SOX5: variants seen among roughly 807,000 people sequenced by gnomAD.
SOX5 encodes the protein SRY-box transcription factor 5.
A neutral mutation model predicts 92.0 loss-of-function variants in SOX5; 9 were observed. That is an observed-to-expected ratio of 0.10 (90% confidence interval 0.06 to 0.17). The LOEUF is 0.17. SOX5 is among the 10% of genes least tolerant of loss of function. SOX5 has a pLI of 1.00. For synonymous variants in SOX5, 344 were observed against 336.3 expected, an observed-to-expected ratio of 1.02 and a Z score of -0.25; for missense variants, 642 against 944.5, an observed-to-expected ratio of 0.68 and a Z score of 4.20.
chr12:24,240,860 C>G (rs1267196731), intron 3 of SOX5, among the ~76,000 whole-genome samples: 1 of 152,154 alleles, frequency 6.6e-6, no homozygotes, highest in African/African-American at 2.4e-5. Context: ...TGCAGTGTAA[C>G]ATTTCAACTT....
chr12:24,388,743 C>A, intron 1 of SOX5, among the ~76,000 whole-genome samples: 1 of 152,164 alleles, frequency 6.6e-6, no homozygotes, highest in East Asian at 1.9e-4. Flanking sequence ...AAACTCCATG[C>A]CCCATCAGCA....
chr12:23,576,274 A>G (rs1949095191), intron 9 of SOX5, among the ~76,000 whole-genome samples: 2 of 152,158 alleles, frequency 1.3e-5, no homozygotes, highest in East Asian at 1.9e-4. Flanking sequence ...TGGAACACCC[A>G]TGATGGAGGA....
chr12:24,079,226 A>G (rs974196654), intron 4 of SOX5, among the ~76,000 whole-genome samples: 6 of 151,802 alleles, frequency 4.0e-5, no homozygotes, highest in African/African-American at 1.4e-4. Flanking sequence ...AATTTACGCA[A>G]TATTTTCATT....
At chr12:24,170,170 A>G (rs1476384611) in intron 4 of SOX5, among the ~76,000 whole-genome samples, 1 of 142,056 alleles carries the variant, frequency 7.0e-6, no homozygotes, top group Non-Finnish European at 1.6e-5. Context: ...GAGTGGTTTC[A>G]CAGCGTTCAG....
intron 2 of SOX5, among the ~76,000 whole-genome samples, chr12:23,851,982 TA>T (rs2096638606): frequency 6.6e-6 from 1 of 152,196 alleles, no homozygotes; most frequent in Non-Finnish European, 1.5e-5. Flanking sequence ...GGTTGGTATG[TA>T]GTGGCCTAAT....
intron 4 of SOX5, among the ~76,000 whole-genome samples, chr12:24,167,497 A>G (rs1016664449): frequency 4.6e-5 from 7 of 152,358 alleles, no homozygotes; most frequent in African/African-American, 1.4e-4. Flanking sequence ...TGTGATTTCT[A>G]CTGGCCCTTC....
In SOX5 at chr12:24,393,590, A is replaced by G. The variant is rs570436719; in HGVS notation, c.-250-24951T>C. ...AAACTTACAATAAAAACATTAAGTA[A>G]CTAAGCAAAAAATTATGAAATAGAT... On this transcript the variant is annotated intron_variant, in intron 1 of 4. Transcript: ENST00000446891. This position sits in a 1 kb window ranked among gnomAD's most constrained non-coding sequence, Gnocchi z 5.0. Among the ~76,000 whole-genome samples the G allele has an allele frequency of 1.3e-5, 2 of 152,024 alleles. No homozygotes were observed. Among genetic ancestry groups the G allele is most frequent in the Admixed American group, 1.3e-4 (2 of 15,292 alleles).
chr12:23,863,165 A>G (rs1248979829), intron 2 of SOX5, among the ~76,000 whole-genome samples: 3 of 152,130 alleles, frequency 2.0e-5, no homozygotes, highest in African/African-American at 4.8e-5. Context: ...CTTTCTTTTT[A>G]CTTTTTCCAT....
intron 1 of SOX5, among the ~76,000 whole-genome samples, chr12:24,426,844 CTT>C (rs1034787350): frequency 3.3e-5 from 5 of 152,032 alleles, no homozygotes; most frequent in African/African-American, 1.2e-4. Context: ...AAGCCCTTGT[CTT>C]TTTCCCTCGT....
intron 2 of SOX5, among the ~76,000 whole-genome samples, chr12:23,851,096 C>T (rs998165819): frequency 6.6e-6 from 1 of 151,516 alleles, no homozygotes; most frequent in Non-Finnish European, 1.5e-5. Context: ...AAAAAAAAAC[C>T]TTATCAAGAT....
At chr12:24,208,755 G>A (rs1385496251) in intron 4 of SOX5, among the ~76,000 whole-genome samples, 1 of 152,208 alleles carries the variant, frequency 6.6e-6, no homozygotes, top group Non-Finnish European at 1.5e-5. Context: ...GGATGAAGTG[G>A]AGAACAAGAC....
intron 2 of SOX5, among the ~76,000 whole-genome samples, chr12:24,299,787 A>T (rs1947742118): frequency 6.6e-6 from 1 of 152,138 alleles, no homozygotes; most frequent in Non-Finnish European, 1.5e-5. Context: ...GAAGCTCTGC[A>T]TCAAACAAAG....
intron 9 of SOX5, among the ~76,000 whole-genome samples, chr12:23,590,052 T>C (rs10842187): frequency 0.21 from 31,983 of 151,828 alleles, 3,803 homozygotes; most frequent in African/African-American, 0.3. Context: ...GAATTCTATA[T>C]AGAAATGACG....
chr12:23,832,253 AGTT>A (rs996566974), intron 3 of SOX5, among the ~76,000 whole-genome samples: 14 of 152,000 alleles, frequency 9.2e-5, no homozygotes, highest in East Asian at 3.9e-4. Context: ...AATTTTGGAA[AGTT>A]GTTGTTCATT....
chr12:24,290,692 G>A (rs531995069), intron 2 of SOX5, among the ~76,000 whole-genome samples: 1 of 152,162 alleles, frequency 6.6e-6, no homozygotes, highest in Admixed American at 6.5e-5. Flanking sequence ...TGCTCCTGAC[G>A]GACTCACGCT....
chr12:24,127,909 G>A (rs1173677880), intron 4 of SOX5, among the ~76,000 whole-genome samples: 1 of 152,188 alleles, frequency 6.6e-6, no homozygotes, highest in Non-Finnish European at 1.5e-5. Context: ...TCCCAAGAGA[G>A]TCTACCATTT....
chr12:23,951,946 A>AT (rs1375795979), upstream of SOX5, among the ~76,000 whole-genome samples: 2 of 152,136 alleles, frequency 1.3e-5, no homozygotes, highest in African/African-American at 4.8e-5. Context: ...TTAAATCTCT[A>AT]TTTTTTCAGC....
intron 6 of SOX5, among the ~76,000 whole-genome samples, chr12:23,704,687 C>CATATATATATAT (rs376550773): frequency 0.12 from 10,389 of 88,992 alleles, 894 homozygotes; most frequent in Non-Finnish European, 0.14. Flanking sequence ...TATATGCATG[C>CATATATATATAT]ATATATATAT....
chr12:24,181,791 A>G (rs1173516800), intron 4 of SOX5, among the ~76,000 whole-genome samples: 1 of 152,204 alleles, frequency 6.6e-6, no homozygotes. Context: ...TCCCTTTAAT[A>G]AGGTAATAAG....
Sources: allele counts gnomAD v4.1 joint callset (sites outside exome capture counted in the v4.1 genomes callset), GRCh38; gene constraint gnomAD v4.1.1; non-coding constraint Gnocchi (gnomAD v3.1); transcripts MANE v1.5; gene names NCBI Gene and HGNC (gene_info 2026-07-23, HGNC 2026-07-21).